The following GABBR2 variants were observed in gnomAD, a reference collection of about 807,000 sequenced individuals.
GABBR2 encodes gamma-aminobutyric acid type B receptor subunit 2, also known as G-protein coupled receptor 51.
Under a neutral mutation model 105.6 loss-of-function variants are expected in GABBR2, and 23 were observed. The observed-to-expected ratio is 0.22, with a 90% CI of 0.16 to 0.31. GABBR2 has a LOEUF of 0.31. GABBR2 is among the 10% of genes least tolerant of loss of function. The probability of loss-of-function intolerance (pLI) is 1.00; values close to 1 mark genes in which losing one functional copy is unlikely to be tolerated. For missense variants in GABBR2, 734 were observed against 1,245.5 expected (o/e 0.59, Z 6.18); for synonymous variants, 478 against 499.7 (o/e 0.96, Z 0.58).
At chr9:98,414,050 T>A (rs1387753118) in intron 7 of GABBR2, among the ~76,000 whole-genome samples, 1 of 152,168 alleles carries the variant, frequency 6.6e-6, no homozygotes, top group Non-Finnish European at 1.5e-5. Flanking sequence ...GATCAAACAG[T>A]GAGCAAAATC....
intron 16 of GABBR2, among the ~76,000 whole-genome samples, chr9:98,301,085 A>G (rs1160975068): frequency 6.6e-6 from 1 of 152,158 alleles, no homozygotes; most frequent in Non-Finnish European, 1.5e-5. Flanking sequence ...GTCCTTGGTA[A>G]TAAGCTGGTA....
intron 3 of GABBR2, among the ~76,000 whole-genome samples, chr9:98,539,590 C>T (rs1335740735): frequency 6.6e-6 from 1 of 152,090 alleles, no homozygotes; most frequent in African/African-American, 2.4e-5. Context: ...CTCTAAGGGT[C>T]CTTCAGGCTC....
chr9:98,391,838 G>A (rs1236528261), intron 9 of GABBR2, among the ~76,000 whole-genome samples: 2 of 152,174 alleles, frequency 1.3e-5, no homozygotes, highest in Non-Finnish European at 2.9e-5. Flanking sequence ...GCGGGGCTCT[G>A]AGCAGAGGTG....
At chr9:98,683,194 A>C (rs1382511696) in intron 1 of GABBR2, among the ~76,000 whole-genome samples, 5 of 152,084 alleles carry the variant, frequency 3.3e-5, no homozygotes, top group African/African-American at 1.2e-4. Context: ...CCCAGATTCA[A>C]TCGATTCTCC....
intron 7 of GABBR2, among the ~76,000 whole-genome samples, chr9:98,446,926 G>A (rs1826139263): frequency 6.6e-6 from 1 of 152,138 alleles, no homozygotes; most frequent in Admixed American, 6.5e-5. Flanking sequence ...CTGGGGGATA[G>A]AGTCACAACT....
chr9:98,314,210 C>T (rs1360951084), intron 13 of GABBR2, among the ~76,000 whole-genome samples: 4 of 152,152 alleles, frequency 2.6e-5, no homozygotes, highest in African/African-American at 9.7e-5. Flanking sequence ...TCCACTGCTA[C>T]CCACCCAGGA....
intron 8 of GABBR2, among the ~76,000 whole-genome samples, chr9:98,398,322 A>ACCC (rs1484395615): frequency 1.4e-3 from 215 of 149,704 alleles, no homozygotes; most frequent in African/African-American, 5.2e-3. Context: ...CAATTCTAGG[A>ACCC]CCCACCCCCC....
chr9:98,494,634 T>C (rs896372875), intron 4 of GABBR2, among the ~76,000 whole-genome samples: 1 of 152,160 alleles, frequency 6.6e-6, no homozygotes, highest in African/African-American at 2.4e-5. Context: ...AGTCCACATC[T>C]GTGAAACAGG....
chr9:98,447,399 A>G (rs751690508), intron 7 of GABBR2, among the ~76,000 whole-genome samples: 2 of 152,152 alleles, frequency 1.3e-5, no homozygotes, highest in East Asian at 1.9e-4. Context: ...GATGATATCA[A>G]ATATAAGACA....
At chr9:98,375,908 G>A (rs1831864673) in intron 11 of GABBR2, among the ~76,000 whole-genome samples, 1 of 152,284 alleles carries the variant, frequency 6.6e-6, no homozygotes, top group Middle Eastern at 3.4e-3. Flanking sequence ...TTTCCAATAT[G>A]TTACCACCAA....
intron 13 of GABBR2, among the ~76,000 whole-genome samples, chr9:98,332,360 G>A (rs1362335949): frequency 6.6e-6 from 1 of 152,198 alleles, no homozygotes; most frequent in African/African-American, 2.4e-5. Flanking sequence ...GGGGCAGGGA[G>A]TGGAAACAAA....
intron 2 of GABBR2, among the ~76,000 whole-genome samples, chr9:98,552,473 G>A (rs951093559): frequency 3.3e-5 from 5 of 152,166 alleles, no homozygotes; most frequent in Non-Finnish European, 7.3e-5. Context: ...GTATACAAAG[G>A]CCCCAGGCTG....
At chr9:98,311,040 A>C in intron 14 of GABBR2, 55 bp downstream of exon 14, 1 of 943,664 alleles carries the variant, frequency 1.1e-6, no homozygotes, top group Non-Finnish European at 1.7e-6. Context: ...CCTGGGAGAC[A>C]GAGGCCCAAC....
intron 6 of GABBR2, 40 bp downstream of exon 6, chr9:98,473,106 A>G: frequency 7.0e-7 from 1 of 1,426,144 alleles, no homozygotes; most frequent in African/African-American, 1.4e-5. Flanking sequence ...TGATCAAAGG[A>G]GGTGGGCCAG....
At chr9:98,344,040 G>A (rs1831261449) in intron 13 of GABBR2, among the ~76,000 whole-genome samples, 1 of 152,090 alleles carries the variant, frequency 6.6e-6, no homozygotes, top group Non-Finnish European at 1.5e-5. Context: ...AAACTCATCT[G>A]ATTTTCTTCC....
intron 1 of GABBR2, among the ~76,000 whole-genome samples, chr9:98,679,153 A>G (rs2131867640): frequency 6.6e-6 from 1 of 152,258 alleles, no homozygotes; most frequent in African/African-American, 2.4e-5. Context: ...GATGCTCATG[A>G]CTTCTGCCCA....
rs542775096 is a variant in GABBR2 at position 98,578,292 on chromosome 9, A to T, written c.322-220T>A. On this transcript the variant is annotated intron_variant, in intron 1 of 18. Coordinates refer to ENST00000259455, the MANE Select transcript of GABBR2 (RefSeq NM_005458.8). ...CTCTGCTCCCGCTAAGTGCCCTCCA[A>T]ATCTAGGACCTCTCTCCAGCACCCC... is the stretch of plus-strand genomic sequence containing the variant. Among the ~76,000 whole-genome samples the T allele has an allele frequency of 7.9e-4, 120 of 152,082 alleles. 3 individuals carry two copies. The South Asian group carries it at 0.013, about 17-fold the overall frequency.
At position 98,393,217 on chromosome 9, in the gene GABBR2, A is replaced by C. The variant is rs1247795977; in HGVS notation, c.1378+958T>G. Among the ~76,000 whole-genome samples the C allele has an allele frequency of 2.2e-5, 3 of 133,390 alleles. No individual in the cohort carries two copies. The Admixed American group carries it at 2.3e-4, about 10-fold the overall frequency. The allele number at this position is 133,390 out of a possible 152,430, so 87.5% of individuals were successfully genotyped here. On this transcript the variant is annotated intron_variant, in intron 9 of 18. Coordinates refer to ENST00000259455, the MANE Select transcript of GABBR2 (RefSeq NM_005458.8). ...ATCCACTTGATCAATTCATCTATCC[A>C]TCTACCCAGCCATCCATCTGTCCAC...
chr9:98,536,808 C>T (rs1160202327), intron 3 of GABBR2, among the ~76,000 whole-genome samples: 2 of 152,194 alleles, frequency 1.3e-5, no homozygotes, highest in Non-Finnish European at 2.9e-5. Flanking sequence ...CCAACACAGA[C>T]TTCGTGGACC....
Sources: gnomAD v4.1 joint callset for allele counts (sites outside exome capture counted in the v4.1 genomes callset) on GRCh38, gnomAD v4.1.1 for gene constraint, MANE v1.5 for transcripts, NCBI Gene and HGNC (gene_info 2026-07-23, HGNC 2026-07-21) for gene names.